The following FNBP1L variants were observed in gnomAD, a reference collection of about 807,000 sequenced individuals.
The protein encoded by FNBP1L is formin binding protein 1 like.
In FNBP1L, 36 loss-of-function variants were observed where a neutral mutation model predicts 91.2. The ratio of observed to expected loss-of-function variants is 0.39; its 90% CI spans 0.30 to 0.52. FNBP1L has a LOEUF of 0.52. Ranked by LOEUF, FNBP1L falls within the 20% of genes least tolerant of loss-of-function variation. FNBP1L has a pLI of 0.66. For missense variants in FNBP1L, 571 were observed against 732.1 expected (o/e 0.78, Z 2.54); for synonymous variants, 242 against 237.0 (o/e 1.02, Z -0.19).
chr1:93,458,617 A>G (rs1302436115), intron 1 of FNBP1L, among the ~76,000 whole-genome samples: 1 of 152,212 alleles, frequency 6.6e-6, no homozygotes, highest in Non-Finnish European at 1.5e-5. Context: ...CAAAATGGAC[A>G]AGAGGGATTA....
chr1:93,471,795 T>C (rs986777189), intron 1 of FNBP1L, among the ~76,000 whole-genome samples: 3 of 152,242 alleles, frequency 2.0e-5, no homozygotes, highest in Non-Finnish European at 4.4e-5. Flanking sequence ...AACTTCTGGC[T>C]GGTAGTCGAT....
intron 6 of FNBP1L, 24 bp from the exon 7 acceptor site, chr1:93,530,729 AAT>A: frequency 6.3e-7 from 1 of 1,588,274 alleles, no homozygotes; most frequent in Non-Finnish European, 8.6e-7. Context: ...TGTTGTTGAT[AAT>A]AATTTCGACC....
At chr1:93,501,095 A>C (rs987878033) in intron 2 of FNBP1L, among the ~76,000 whole-genome samples, 8 of 152,172 alleles carry the variant, frequency 5.3e-5, no homozygotes, top group Admixed American at 5.2e-4. Context: ...ATTCTATTTA[A>C]ATTTTAATTT....
intron 16 of FNBP1L, chr1:93,551,310 T>C: frequency 1.6e-6 from 2 of 1,256,084 alleles, no homozygotes; most frequent in Non-Finnish European, 2.0e-6. Context: ...GGCACTTTAC[T>C]GTTTGAGTAA....
intron 7 of FNBP1L, among the ~76,000 whole-genome samples, chr1:93,531,759 C>T (rs2101758895): frequency 1.3e-5 from 2 of 152,206 alleles, no homozygotes; most frequent in African/African-American, 4.8e-5. Flanking sequence ...AGATAAACTA[C>T]CTTTTGTGTT....
intron 1 of FNBP1L, among the ~76,000 whole-genome samples, chr1:93,479,698 A>G (rs1193879540): frequency 6.6e-6 from 1 of 152,154 alleles, no homozygotes; most frequent in African/African-American, 2.4e-5. Context: ...ACATTGATTT[A>G]TAGGTTCTCT....
chr1:93,501,982 C>T (rs1670453797), intron 2 of FNBP1L, among the ~76,000 whole-genome samples: 1 of 151,466 alleles, frequency 6.6e-6, no homozygotes, highest in Non-Finnish European at 1.5e-5. Flanking sequence ...AAGTGCCTGT[C>T]AGTAGAAGAA....
At chr1:93,536,555 T>C (rs1235662796) in intron 10 of FNBP1L, 65 bp downstream of exon 10, 1 of 1,358,838 alleles carries the variant, frequency 7.4e-7, no homozygotes, top group Non-Finnish European at 9.7e-7. Flanking sequence ...CTTTTAATAC[T>C]CTCCACCCTC....
chr1:93,512,491 A>G (rs1233087964), intron 2 of FNBP1L, among the ~76,000 whole-genome samples: 2 of 151,952 alleles, frequency 1.3e-5, no homozygotes, highest in African/African-American at 4.8e-5. Context: ...ACCACACCAC[A>G]CCTATTCCAA....
At chr1:93,461,634 C>T (rs924505315) in intron 1 of FNBP1L, among the ~76,000 whole-genome samples, 1 of 152,014 alleles carries the variant, frequency 6.6e-6, no homozygotes, top group African/African-American at 2.4e-5. Context: ...CTACAAAAAA[C>T]ATCTCCCTTA....
At chr1:93,468,108 C>G (rs997283083) in intron 1 of FNBP1L, among the ~76,000 whole-genome samples, 1 of 152,140 alleles carries the variant, frequency 6.6e-6, no homozygotes, top group Non-Finnish European at 1.5e-5. Flanking sequence ...CCCTTCTTCT[C>G]CCTCTCCTCC....
At chr1:93,511,293 A>C (rs373414753) in intron 2 of FNBP1L, among the ~76,000 whole-genome samples, 33 of 152,252 alleles carry the variant, frequency 2.2e-4, no homozygotes, top group Non-Finnish European at 4.0e-4. Flanking sequence ...AGAGTGGGGG[A>C]CAATATTCAA....
chr1:93,464,963 G>A (rs994583746), intron 1 of FNBP1L, among the ~76,000 whole-genome samples: 1 of 152,054 alleles, frequency 6.6e-6, no homozygotes. Context: ...TTGACTTGGG[G>A]GTTTCTCAGG....
chr1:93,498,920 G>A (rs1307010708), intron 1 of FNBP1L, among the ~76,000 whole-genome samples: 1 of 152,154 alleles, frequency 6.6e-6, no homozygotes, highest in Non-Finnish European at 1.5e-5. Flanking sequence ...CTCGGAAATG[G>A]CAGATCCCAG....
At chr1:93,481,017 G>T (rs555108176) in intron 1 of FNBP1L, among the ~76,000 whole-genome samples, 1 of 151,914 alleles carries the variant, frequency 6.6e-6, no homozygotes, top group Admixed American at 6.6e-5. Context: ...AATCCCAATC[G>T]CTTCCTCCAA....
intron 1 of FNBP1L, among the ~76,000 whole-genome samples, chr1:93,468,926 G>A (rs1416571929): frequency 6.6e-6 from 1 of 152,078 alleles, no homozygotes; most frequent in African/African-American, 2.4e-5. Flanking sequence ...GATATCATCT[G>A]AATTTTTGGT....
chr1:93,469,742 G>A (rs758204126), intron 1 of FNBP1L, among the ~76,000 whole-genome samples: 2 of 152,066 alleles, frequency 1.3e-5, no homozygotes, highest in Non-Finnish European at 2.9e-5. Flanking sequence ...AGGCTGAGGC[G>A]GGAGGATCAC....
At chr1:93,480,211 A>G (rs955782194) in intron 1 of FNBP1L, among the ~76,000 whole-genome samples, 2 of 152,214 alleles carry the variant, frequency 1.3e-5, no homozygotes, top group Non-Finnish European at 2.9e-5. Context: ...ACCTCAGAAC[A>G]ATTTAGTGAA....
chr1:93,530,952 T>G, intron 7 of FNBP1L, 69 bp downstream of exon 7: 1 of 1,262,886 alleles, frequency 7.9e-7, no homozygotes, highest in Non-Finnish European at 1.1e-6. Context: ...CTTGTAAGTC[T>G]TAGACATCAG....
Sources: allele counts gnomAD v4.1 joint callset (sites outside exome capture counted in the v4.1 genomes callset), GRCh38; gene constraint gnomAD v4.1.1; transcripts MANE v1.5; gene names NCBI Gene and HGNC (gene_info 2026-07-23, HGNC 2026-07-21).